Variants in JHY observed in about 807,000 individuals in gnomAD.
JHY encodes junctional cadherin complex regulator.
JHY carries 69 observed loss-of-function variants against 78.0 expected under a neutral mutation model. The observed-to-expected ratio is 0.88, with a 90% CI of 0.73 to 1.08. The LOEUF (loss-of-function observed/expected upper bound fraction) is 1.08, where lower values mean the gene tolerates loss of function less well. Among genes scored for constraint, JHY ranks in the 50% least tolerant of loss-of-function variants. The pLI is 0.00. For synonymous variants in JHY, 368 were observed against 342.6 expected, an observed-to-expected ratio of 1.07 and a Z score of -0.82; for missense variants, 944 against 927.8, an observed-to-expected ratio of 1.02 and a Z score of -0.23.
At chr11:122,924,272 G>A (rs1425353515) in intron 3 of JHY, among the ~76,000 whole-genome samples, 1 of 152,106 alleles carries the variant, frequency 6.6e-6, no homozygotes, top group African/African-American at 2.4e-5. Flanking sequence ...TTTCTAATAA[G>A]TGAGTTAGCA....
intron 6 of JHY, among the ~76,000 whole-genome samples, chr11:122,955,881 C>T (rs1249276476): frequency 6.6e-6 from 1 of 152,162 alleles, no homozygotes; most frequent in African/African-American, 2.4e-5. Flanking sequence ...CTTTTTGAAG[C>T]ACTGTGTTTA....
In JHY at chr11:122,903,938, G is replaced by A; in HGVS notation, c.358G>A (p.Glu120Lys). The A allele has an allele frequency of 6.3e-7, 1 of 1,587,134 alleles. No individual in the cohort carries two copies. Among genetic ancestry groups the A allele is most frequent in the African/African-American group, 1.4e-5 (1 of 74,072 alleles). ...QGANNRQQPI[E>K]DKYSDLRYDP... ...TGCTTTGGGCAGGCAACAACCAATA[G>A]AAGACAAATATTCAGACCTCCGCTA... Residue 120 changes from glutamate to lysine, a missense_variant, in exon 3 of 9, where the codon GAA becomes AAA. Glu to Lys is a moderately conservative substitution (Grantham distance 56). Coordinates refer to ENST00000227349, the MANE Select transcript of JHY (RefSeq NM_024806.4).
At chr11:122,951,623 G>A (rs1864084798) in intron 6 of JHY, among the ~76,000 whole-genome samples, 1 of 152,198 alleles carries the variant, frequency 6.6e-6, no homozygotes, top group African/African-American at 2.4e-5. Flanking sequence ...CCACCTTTCA[G>A]AGTTGAAACA....
rs1179065381 is a variant in JHY at position 122,904,316 on chromosome 11, C to T, written c.736C>T (p.Pro246Ser). 2 of 1,613,922 alleles carry T rather than the reference C, an allele frequency of 1.2e-6. No individual in the cohort carries two copies. The highest frequency in any genetic ancestry group is 1.7e-6 in the Non-Finnish European group (2 of 1,180,022). Residue 246 changes from proline to serine, a missense_variant, in exon 3 of 9, where the codon CCT (proline) becomes TCT (serine). Coordinates refer to ENST00000227349, the MANE Select transcript of JHY (RefSeq NM_024806.4). Reference sequence around the variant, plus strand: ...GGTTTTCCTGCCGGGATCACGTGGCCCTCGGCGAAGGAAATCCAAACAACA... The same window carrying T: ...GGTTTTCCTGCCGGGATCACGTGGCTCTCGGCGAAGGAAATCCAAACAACA... The part of the protein sequence containing the change: ...NEVFLPGSRG[P>S]RRRKSKQHFV...
intron 3 of JHY, among the ~76,000 whole-genome samples, chr11:122,918,329 A>G (rs1007013290): frequency 3.3e-5 from 5 of 151,550 alleles, no homozygotes; most frequent in Non-Finnish European, 7.3e-5. Flanking sequence ...GACAAAATAG[A>G]TAAATTAGTG....
intron 3 of JHY, among the ~76,000 whole-genome samples, chr11:122,911,410 A>G (rs1223719692): frequency 1.3e-5 from 2 of 152,356 alleles, no homozygotes; most frequent in Middle Eastern, 3.4e-3. Context: ...TCAGTCAGCC[A>G]ACAGATATTT....
chr11:122,910,294 T>C (rs1177847366), intron 3 of JHY, among the ~76,000 whole-genome samples: 25 of 152,070 alleles, frequency 1.6e-4, no homozygotes, highest in Non-Finnish European at 2.9e-5. Flanking sequence ...GACCAACATG[T>C]GAAACCCTGT....
rs59941995 is a variant in JHY, at chr11:122,911,905, C to CAA, written c.864+7490_864+7491dup. ...GGGCAAGAAGAGCGAAACTCTGTCTCAAAAAAAAAAAAAAAAAAAAAAAAA... is the reference window on the plus strand; with the variant it reads ...GGGCAAGAAGAGCGAAACTCTGTCTCAAAAAAAAAAAAAAAAAAAAAAAAAAA... On this transcript the variant is annotated intron_variant, in intron 3 of 8. Transcript: ENST00000227349. Among the ~76,000 whole-genome samples the CAA allele has an allele frequency of 7.9e-3, 391 of 49,728 alleles. 29 individuals carry two copies. The highest frequency in any genetic ancestry group is 0.029 in the South Asian group (19 of 656). The allele number at this position is 49,728 out of a possible 152,430, so 32.6% of individuals were successfully genotyped here.
chr11:122,960,797 G>A lies in JHY; in HGVS notation c.*1352G>A, dbSNP rs547833070. On this transcript the variant is annotated 3_prime_UTR_variant, in exon 9 of 9. Transcript: ENST00000227349. ...AGGATGCAATTGATTTGGAGAAGTC[G>A]CAGCGCTCACTGGTTCAGAAGCGCC... The A allele has an allele frequency of 3.3e-5, 18 of 541,450 alleles. No individual in the cohort carries two copies. The highest frequency in any genetic ancestry group is 5.8e-4 in the Middle Eastern group (1 of 1,726). The allele number at this position is 541,450 out of a possible 1,614,324, so 33.5% of individuals were successfully genotyped here. A position where few individuals can be genotyped will look rare whatever the true frequency, so the allele number is the denominator to read the frequency against.
At chr11:122,905,260 A>C (rs202205730) in intron 3 of JHY, 1 of 1,613,908 alleles carries the variant, frequency 6.2e-7, no homozygotes, top group East Asian at 2.2e-5. Context: ...GGTGCACATA[A>C]AGACCTTCCT....
At chr11:122,934,357 A>AAAT in intron 4 of JHY, 63 bp from the exon 5 acceptor site, 1 of 787,610 alleles carries the variant, frequency 1.3e-6, no homozygotes, top group East Asian at 3.5e-5. Context: ...AATAAATAAT[A>AAAT]AAATAAAATT....
chr11:122,959,006 A>C, intron 8 of JHY: 1 of 985,022 alleles, frequency 1.0e-6, no homozygotes, highest in Non-Finnish European at 1.2e-6. Context: ...AAGCATCCAA[A>C]GGACACAACC....
chr11:122,941,761 AACCAGC>A (rs1450436790), intron 5 of JHY, among the ~76,000 whole-genome samples: 25 of 152,306 alleles, frequency 1.6e-4, no homozygotes, highest in Middle Eastern at 3.4e-3. Flanking sequence ...ATTACATGGT[AACCAGC>A]TGCTTGTAGG....
chr11:122,890,068 T>C (rs888634092), intron 2 of JHY, among the ~76,000 whole-genome samples: 6 of 137,196 alleles, frequency 4.4e-5, no homozygotes, highest in Non-Finnish European at 8.2e-5. Flanking sequence ...TTTTTTTTTT[T>C]CCAACGAAAC....
chr11:122,956,468 G>T (rs1347652707), intron 6 of JHY, 28 bp from the exon 7 acceptor site: 1 of 1,609,512 alleles, frequency 6.2e-7, no homozygotes. Context: ...GTCCTTAAAA[G>T]AAACTGTTTC....
chr11:122,946,581 A>C lies in JHY; in HGVS notation c.1718A>C (p.Gln573Pro). 6.2e-7 allele frequency: 1 copy of C among 1,614,106 alleles called. No individual in the cohort carries two copies. Among genetic ancestry groups the C allele is most frequent in the Admixed American group, 1.7e-5 (1 of 60,022 alleles). Residue 573 changes from glutamine (Q) to proline (P), a missense_variant, in exon 6 of 9, where the codon CAA becomes CCA. Physicochemically the swap from Gln to Pro is moderately conservative, Grantham distance 76. Coordinates refer to ENST00000227349, the MANE Select transcript of JHY (RefSeq NM_024806.4). ...ACCCAGATAATGGAGCAGCATCAGC[A>C]AGCCTTGGTGCAGCTGACCGACGTG... ...WLTQIMEQHQ[Q>P]ALVQLTDVQP... is the part of the protein sequence containing the mutation.
rs549572615 is a variant in JHY at position 122,882,907 on chromosome 11, C to T, written c.-155C>T. The T allele has an allele frequency of 6.3e-4, 96 of 151,934 alleles. 1 individual carries two copies. The highest frequency in any genetic ancestry group is 1.9e-3 in the Admixed American group (29 of 15,142). The allele number at this position is 151,934 out of a possible 1,614,324, so 9.4% of individuals were successfully genotyped here. On this transcript the variant is annotated 5_prime_UTR_variant, in exon 1 of 9. Coordinates refer to ENST00000227349, the MANE Select transcript of JHY (RefSeq NM_024806.4). ...CCGGGGCGGGCGGGGGCCCGGGCGG[C>T]GGCGGCGGCGGCGCGGGAGGATGCG...
At chr11:122,904,507 A>C in intron 3 of JHY, 63 bp downstream of exon 3, 1 of 1,537,156 alleles carries the variant, frequency 6.5e-7, no homozygotes, top group Non-Finnish European at 8.8e-7. Context: ...GTTTGTTTGC[A>C]GTGTCTAGAT....
At chr11:122,909,064 T>C (rs1863055490) in intron 3 of JHY, among the ~76,000 whole-genome samples, 1 of 152,236 alleles carries the variant, frequency 6.6e-6, no homozygotes, top group African/African-American at 2.4e-5. Flanking sequence ...GTATTTTTCC[T>C]TGTTAATAAA....
Sources: gnomAD v4.1 joint callset for allele counts (sites outside exome capture counted in the v4.1 genomes callset) on GRCh38, gnomAD v4.1.1 for gene constraint, MANE v1.5 for transcripts, NCBI Gene and HGNC (gene_info 2026-07-23, HGNC 2026-07-21) for gene names.